The following OVCH1 variants were observed in gnomAD, a reference collection of about 807,000 sequenced individuals.
OVCH1 encodes ovochymase 1.
Under a neutral mutation model 138.4 loss-of-function variants are expected in OVCH1, and 139 were observed. That is an observed-to-expected ratio of 1.00 (90% CI 0.87 to 1.16). The LOEUF (loss-of-function observed/expected upper bound fraction) is 1.16. OVCH1 is among the 50% of genes most tolerant of loss of function. The pLI is 0.00. For synonymous variants in OVCH1, 453 were observed against 467.8 expected, an observed-to-expected ratio of 0.97 and a Z score of 0.41; for missense variants, 1,367 against 1,357.9, an observed-to-expected ratio of 1.01 and a Z score of -0.11.
downstream of OVCH1, chr12:29,425,942 G>C (rs967911740): frequency 6.6e-6 from 1 of 152,080 alleles, no homozygotes. Flanking sequence ...ATGCTCTTTG[G>C]ATGCACTCCA....
chr12:29,437,460 C>G (rs936946782), intron 26 of OVCH1, among the ~76,000 whole-genome samples: 1 of 152,174 alleles, frequency 6.6e-6, no homozygotes, highest in Non-Finnish European at 1.5e-5. Flanking sequence ...TGGTCATAGT[C>G]ATGGGTGAAT....
At chr12:29,452,994 AT>A (rs1355097640) in intron 21 of OVCH1, among the ~76,000 whole-genome samples, 2 of 152,182 alleles carry the variant, frequency 1.3e-5, no homozygotes, top group East Asian at 1.9e-4. Context: ...AACAATGTTC[AT>A]TTTCTAATGG....
intron 12 of OVCH1, among the ~76,000 whole-genome samples, chr12:29,476,788 C>T (rs1359279753): frequency 7.3e-6 from 1 of 136,562 alleles, no homozygotes; most frequent in Non-Finnish European, 1.6e-5. Context: ...CACACACACA[C>T]ACACACACAC....
At chr12:29,415,034 A>G (rs1446515435) in intron 3 of OVCH1, among the ~76,000 whole-genome samples, 1 of 152,212 alleles carries the variant, frequency 6.6e-6, no homozygotes, top group East Asian at 1.9e-4. Flanking sequence ...GATGCTGGAA[A>G]TTACAGGTGG....
chr12:29,459,001 A>C (rs1942043278), intron 19 of OVCH1, among the ~76,000 whole-genome samples: 1 of 152,166 alleles, frequency 6.6e-6, no homozygotes, highest in South Asian at 2.1e-4. Context: ...GCTTATAGGG[A>C]GGTGGAGAAA....
At chr12:29,417,045 G>T (rs928528811) in intron 3 of OVCH1, among the ~76,000 whole-genome samples, 2 of 152,202 alleles carry the variant, frequency 1.3e-5, no homozygotes, top group Admixed American at 6.5e-5. Context: ...ATCTCCAGGG[G>T]ACTGTGCTGA....
At chr12:29,451,284 C>G in intron 22 of OVCH1, 61 bp downstream of exon 22, 2 of 1,364,466 alleles carry the variant, frequency 1.5e-6, no homozygotes, top group Non-Finnish European at 2.0e-6. Flanking sequence ...CATTCCTGAT[C>G]ATAAGCTGCC....
exon 11 of OVCH1, chr12:29,477,389 C>T (rs773626565): frequency 6.2e-7 from 1 of 1,614,006 alleles, no homozygotes; most frequent in Non-Finnish European, 8.5e-7. Flanking sequence ...AAGCCACTGC[C>T]ACTGTCTTCT....
At chr12:29,468,127 TAA>T (rs1266393052) in intron 16 of OVCH1, among the ~76,000 whole-genome samples, 3 of 152,172 alleles carry the variant, frequency 2.0e-5, no homozygotes, top group Non-Finnish European at 4.4e-5. Context: ...ACAAGTACTA[TAA>T]AATATATGCA....
chr12:29,443,596 C>G (rs1432982058), intron 24 of OVCH1, 96 bp from the exon 25 acceptor site: 33 of 1,188,230 alleles, frequency 2.8e-5, no homozygotes, highest in Non-Finnish European at 3.8e-5. Context: ...GTTATTGACC[C>G]CCAGTGAGCC....
Position 29,445,366 on chromosome 12 carries a change from GAA to G in OVCH1, c.2791_2792del (p.Phe931HisfsTer35), listed in dbSNP as rs749285799. 3 of 1,610,848 alleles carry G rather than the reference GAA, an allele frequency of 1.9e-6. No individual in the cohort carries two copies. Among genetic ancestry groups the G allele is most frequent in the Non-Finnish European group, 1.7e-6 (2 of 1,177,556 alleles). Reference sequence around the variant, plus strand: ...CCCTCACCAGCGGTCCAGGACTCATGAAAGTCATTGAGTAAAGTCTTCTTCCA... The same window carrying G: ...CCCTCACCAGCGGTCCAGGACTCATGAGTCATTGAGTAAAGTCTTCTTCCA... On this transcript the variant is annotated frameshift_variant, in exon 23 of 28. Transcript: ENST00000318184. LOFTEE classifies it high-confidence loss of function.
chr12:29,406,034 T>A, the OVCH1 span, among the ~76,000 whole-genome samples: 1 of 152,204 alleles, frequency 6.6e-6, no homozygotes, highest in Admixed American at 6.5e-5. Flanking sequence ...TTCATACCAA[T>A]CCATCATTTC....
At chr12:29,474,162 C>A (rs1158765641) in intron 14 of OVCH1, among the ~76,000 whole-genome samples, 1 of 151,826 alleles carries the variant, frequency 6.6e-6, no homozygotes, top group Non-Finnish European at 1.5e-5. Context: ...GACTTGTCTT[C>A]CTTCATATAT....
At chr12:29,405,802 C>T in the OVCH1 span, among the ~76,000 whole-genome samples, 4 of 152,158 alleles carry the variant, frequency 2.6e-5, no homozygotes, top group African/African-American at 9.7e-5. Flanking sequence ...ATACTTGATT[C>T]CCTTGGTTTC....
At chr12:29,453,735 A>C (rs1213288114) in intron 21 of OVCH1, among the ~76,000 whole-genome samples, 1 of 152,046 alleles carries the variant, frequency 6.6e-6, no homozygotes, top group East Asian at 1.9e-4. Context: ...GAATTCCCTT[A>C]TACCCTTCAC....
chr12:29,414,736 GAA>G (rs1003970032), intron 3 of OVCH1, among the ~76,000 whole-genome samples: 1 of 151,132 alleles, frequency 6.6e-6, no homozygotes, highest in Non-Finnish European at 1.5e-5. Context: ...CCTAGACCTG[GAA>G]AAAAAAAATA....
At chr12:29,464,221 G>C (rs1942237220) in intron 18 of OVCH1, among the ~76,000 whole-genome samples, 1 of 152,288 alleles carries the variant, frequency 6.6e-6, no homozygotes, top group African/African-American at 2.4e-5. Flanking sequence ...AGTTGTGATA[G>C]AGACCAGATG....
chr12:29,479,043 C>G, intron 8 of OVCH1, 75 bp from the exon 10 acceptor site: 1 of 501,550 alleles, frequency 2.0e-6, no homozygotes. Context: ...AATACCTGTG[C>G]TTTAGCTCAC....
At chr12:29,408,849 T>G (rs1052804193), downstream of OVCH1, among the ~76,000 whole-genome samples, 1 of 152,150 alleles carries the variant, frequency 6.6e-6, no homozygotes, top group African/African-American at 2.4e-5. Context: ...GATTCCCTCT[T>G]TTTCTATTGA....
Sources: allele counts gnomAD v4.1 joint callset (sites outside exome capture counted in the v4.1 genomes callset), GRCh38; gene constraint gnomAD v4.1.1; transcripts MANE v1.5; gene names NCBI Gene and HGNC (gene_info 2026-07-23, HGNC 2026-07-21).